Variants in ACKR2 observed in about 807,000 individuals in gnomAD.
ACKR2 encodes atypical chemokine receptor 2, also known as C-C chemokine receptor D6.
For missense variants in ACKR2, 457 were observed against 477.3 expected (o/e 0.96, Z 0.40); for synonymous variants, 207 against 192.2 (o/e 1.08, Z -0.64).
At chr3:42,830,067 A>G (rs1575379675) in intron 2 of ACKR2, among the ~76,000 whole-genome samples, 1 of 152,258 alleles carries the variant, frequency 6.6e-6, no homozygotes, top group East Asian at 1.9e-4. Context: ...CCCTCTTTCA[A>G]ATACCCCTTA....
intron 2 of ACKR2, among the ~76,000 whole-genome samples, chr3:42,833,707 A>G (rs929395618): frequency 1.5e-5 from 1 of 65,438 alleles, no homozygotes; most frequent in South Asian, 6.1e-4. Context: ...GAGATCATTT[A>G]AAAAAAAAAC....
rs141083997 is a variant in ACKR2 at position 42,846,463 on chromosome 3, G to A, written c.-37-18003G>A. Among the ~76,000 whole-genome samples the A allele has an allele frequency of 4.6e-3, 708 of 152,312 alleles. 7 individuals carry two copies. The highest frequency in any genetic ancestry group is 0.016 in the African/African-American group (679 of 41,560). Reference sequence around the variant, plus strand: ...GTCACCTGCAAACACCAACTTCCTAGCCTTACAGTATGTGATCTTCTTTGC... The same window carrying A: ...GTCACCTGCAAACACCAACTTCCTAACCTTACAGTATGTGATCTTCTTTGC... On this transcript the variant is annotated intron_variant, in intron 2 of 2. Coordinates refer to ENST00000422265, the MANE Select transcript of ACKR2 (RefSeq NM_001296.5).
rs189654610 is a variant in ACKR2 at position 42,842,882 on chromosome 3, C to T, written c.-37-21584C>T. Among the ~76,000 whole-genome samples the T allele has an allele frequency of 1.3e-3, 195 of 150,156 alleles. 1 individual carries two copies. Among genetic ancestry groups the T allele is most frequent in the African/African-American group, 4.5e-3 (184 of 40,896 alleles). ...CCTGTAATCCCAGCTACTCGGGAGG[C>T]TGAGGCATGAGAATTGCTCAAACCT... On this transcript the variant is annotated intron_variant, in intron 2 of 2. Transcript: ENST00000422265.
At chr3:42,820,205 C>T (rs1472977920) in intron 2 of ACKR2, among the ~76,000 whole-genome samples, 1 of 152,130 alleles carries the variant, frequency 6.6e-6, no homozygotes, top group Non-Finnish European at 1.5e-5. Flanking sequence ...ACTTTTATAG[C>T]TCTGGAAGAA....
intron 2 of ACKR2, among the ~76,000 whole-genome samples, chr3:42,828,998 G>A (rs983419691): frequency 6.6e-6 from 1 of 152,138 alleles, no homozygotes; most frequent in Admixed American, 6.5e-5. Context: ...TCCTGGGAGA[G>A]GGGAGCATCA....
chr3:42,820,009 G>A (rs771135597), intron 2 of ACKR2, among the ~76,000 whole-genome samples: 1 of 152,186 alleles, frequency 6.6e-6, no homozygotes, highest in Non-Finnish European at 1.5e-5. Context: ...CTGCAAACAG[G>A]TTTTTATTGG....
chr3:42,845,099 G>C (rs938703195), intron 2 of ACKR2, among the ~76,000 whole-genome samples: 2 of 152,274 alleles, frequency 1.3e-5, no homozygotes, highest in East Asian at 3.9e-4. Context: ...CCATGTCCCT[G>C]TGCCCCCTAA....
intron 1 of ACKR2, among the ~76,000 whole-genome samples, chr3:42,811,980 C>T (rs1700700908): frequency 6.6e-6 from 1 of 152,194 alleles, no homozygotes; most frequent in African/African-American, 2.4e-5. Flanking sequence ...GCCGCATTCC[C>T]CTAGCCGAGA....
chr3:42,864,814 C>A lies in ACKR2; in HGVS notation c.312C>A (p.Ile104=). ...LFLVTLPFWG[I]SVAWHWVFGS... ...TGGTGACACTGCCCTTCTGGGGCAT[C>A]TCCGTGGCCTGGCATTGGGTCTTCG... Residue 104 remains isoleucine, a synonymous_variant, in exon 3 of 3, where the codon ATC becomes ATA. Coordinates refer to ENST00000422265, the MANE Select transcript of ACKR2 (RefSeq NM_001296.5). 6.2e-7 allele frequency: 1 copy of A among 1,614,186 alleles called. No individual in the cohort carries two copies. The highest frequency in any genetic ancestry group is 1.7e-5 in the Admixed American group (1 of 60,020).
chr3:42,812,289 A>G (rs1001126695), intron 1 of ACKR2, among the ~76,000 whole-genome samples: 4 of 152,208 alleles, frequency 2.6e-5, no homozygotes, highest in African/African-American at 9.7e-5. Flanking sequence ...ACTGAAACTA[A>G]TGTGATGGAT....
intron 2 of ACKR2, among the ~76,000 whole-genome samples, chr3:42,822,323 C>T (rs1399573377): frequency 6.6e-6 from 1 of 152,048 alleles, no homozygotes; most frequent in African/African-American, 2.4e-5. Flanking sequence ...TTGCTATAAT[C>T]ACAAAACAAT....
intron 2 of ACKR2, among the ~76,000 whole-genome samples, chr3:42,822,200 T>C (rs377757716): frequency 7.4e-6 from 1 of 135,220 alleles, no homozygotes; most frequent in African/African-American, 2.9e-5. Context: ...ATAAATAAAA[T>C]ATGGAAAGAT....
chr3:42,811,973 G>A (rs770744946), intron 1 of ACKR2, among the ~76,000 whole-genome samples: 47 of 152,098 alleles, frequency 3.1e-4, no homozygotes, highest in Admixed American at 4.6e-4. Flanking sequence ...TTCTCCTGCC[G>A]CATTCCCCTA....
chr3:42,843,141 C>A (rs1701057965), intron 2 of ACKR2, among the ~76,000 whole-genome samples: 1 of 151,790 alleles, frequency 6.6e-6, no homozygotes, highest in South Asian at 2.1e-4. Flanking sequence ...GTGGCACAAT[C>A]ACGGCTCACT....
chr3:42,839,058 C>G (rs1385677673), intron 2 of ACKR2: 1 of 152,192 alleles, frequency 6.6e-6, no homozygotes, highest in Non-Finnish European at 1.5e-5. Context: ...CATCACTCCC[C>G]TTTCTCATTT....
chr3:42,847,563 G>C (rs1701111064), intron 2 of ACKR2, among the ~76,000 whole-genome samples: 1 of 152,210 alleles, frequency 6.6e-6, no homozygotes, highest in African/African-American at 2.4e-5. Flanking sequence ...AGTTAAGCCA[G>C]AATGGGGTGA....
intron 2 of ACKR2, among the ~76,000 whole-genome samples, chr3:42,826,181 A>G (rs556261818): frequency 6.6e-6 from 1 of 152,212 alleles, no homozygotes; most frequent in South Asian, 2.1e-4. Context: ...CTGAGAATCT[A>G]TATATGGTCC....
In ACKR2 at chr3:42,846,128, GC is replaced by G. The variant is rs112873718; in HGVS notation, c.-37-18337del. ...GATTAGACAAATTAATACATGTAAT[GC>G]ACTTGAAACAGTGTCCTGTCCAGCC... On this transcript the variant is annotated intron_variant, in intron 2 of 2. Coordinates refer to ENST00000422265, the MANE Select transcript of ACKR2 (RefSeq NM_001296.5). 4.5e-3 allele frequency among the ~76,000 whole-genome samples: 683 copies of G among 152,186 alleles called. 6 individuals are homozygous for G. Among genetic ancestry groups the G allele is most frequent in the African/African-American group, 0.016 (659 of 41,524 alleles).
chr3:42,864,180 A>G (rs545514953), intron 2 of ACKR2, among the ~76,000 whole-genome samples: 1 of 152,342 alleles, frequency 6.6e-6, no homozygotes, highest in African/African-American at 2.4e-5. Context: ...AAACAAAACC[A>G]TAATGAAATA....
Sources: allele counts gnomAD v4.1 joint callset (sites outside exome capture counted in the v4.1 genomes callset), GRCh38; gene constraint gnomAD v4.1.1; transcripts MANE v1.5; gene names NCBI Gene and HGNC (gene_info 2026-07-23, HGNC 2026-07-21).